The following DCLK1 variants were observed in gnomAD, a reference collection of about 807,000 sequenced individuals.
DCLK1 encodes the protein doublecortin like kinase 1.
In DCLK1, 16 loss-of-function variants were observed where a neutral mutation model predicts 86.2. That is an observed-to-expected ratio of 0.19 (90% CI 0.13 to 0.28). The LOEUF (loss-of-function observed/expected upper bound fraction) is 0.28, where lower values mean the gene tolerates loss of function less well. Ranked by LOEUF, DCLK1 falls within the 10% of genes least tolerant of loss-of-function variation. The pLI is 1.00. For synonymous variants in DCLK1, 369 were observed against 370.5 expected (o/e 1.00, Z 0.05); for missense variants, 590 against 940.2 (o/e 0.63, Z 4.87).
At position 35,899,360 on chromosome 13, in the gene DCLK1, TGTGTGTGTGAGA is replaced by T. The variant is rs1168301024; in HGVS notation, c.824-28032_824-28021del. Reference sequence around the variant, plus strand: ...ACAAGTGTGTGTGTGTGTGTGTGTGTGTGTGTGTGAGAGAGAGAGAGAGAGAGAGAAAGAAGA... The same window carrying T: ...ACAAGTGTGTGTGTGTGTGTGTGTGTGAGAGAGAGAGAGAGAGAAAGAAGA... On this transcript the variant is annotated intron_variant, in intron 4 of 16. Coordinates refer to ENST00000360631, the MANE Select transcript of DCLK1 (RefSeq NM_001330071.2). Among the ~76,000 whole-genome samples the T allele has an allele frequency of 2.0e-4, 19 of 95,118 alleles. No homozygotes were observed. In the East Asian group the frequency reaches 3.9e-3, roughly 19 times the overall value. The allele number at this position is 95,118 out of a possible 152,430, so 62.4% of individuals were successfully genotyped here.
At chr13:35,862,471 G>A (rs1871473677) in intron 5 of DCLK1, among the ~76,000 whole-genome samples, 1 of 152,144 alleles carries the variant, frequency 6.6e-6, no homozygotes, top group Admixed American at 6.6e-5. Flanking sequence ...GAGCCTTCCT[G>A]GCCCTTGGCC....
intron 2 of DCLK1, among the ~76,000 whole-genome samples, chr13:36,125,476 T>G (rs1217994536): frequency 1.3e-5 from 2 of 152,334 alleles, no homozygotes; most frequent in East Asian, 1.9e-4. Context: ...AGAGATAAAA[T>G]GGACTTTTAA....
At chr13:35,796,019 T>A (rs1344513000) in intron 15 of DCLK1, among the ~76,000 whole-genome samples, 5 of 152,044 alleles carry the variant, frequency 3.3e-5, no homozygotes, top group Non-Finnish European at 5.9e-5. Context: ...CAATAGCGTT[T>A]GGGAACTAAG....
intron 3 of DCLK1, among the ~76,000 whole-genome samples, chr13:36,022,704 A>G (rs988311244): frequency 6.6e-6 from 1 of 152,174 alleles, no homozygotes; most frequent in African/African-American, 2.4e-5. Flanking sequence ...ACAAACTACC[A>G]AAGAAGTAAA....
intron 3 of DCLK1, among the ~76,000 whole-genome samples, chr13:35,986,157 C>T (rs1469405639): frequency 6.6e-6 from 1 of 151,792 alleles, no homozygotes; most frequent in African/African-American, 2.4e-5. Flanking sequence ...CAAAAAGTAG[C>T]TGGATGTGGT....
chr13:35,890,566 G>T (rs1013866754), intron 4 of DCLK1, among the ~76,000 whole-genome samples: 4 of 151,996 alleles, frequency 2.6e-5, no homozygotes, highest in Non-Finnish European at 1.5e-5. Context: ...AAAATACTTT[G>T]GTATATTTGT....
intron 4 of DCLK1, among the ~76,000 whole-genome samples, chr13:35,905,338 T>A (rs1163903865): frequency 6.6e-6 from 1 of 152,170 alleles, no homozygotes; most frequent in Non-Finnish European, 1.5e-5. Context: ...GGTAGACATG[T>A]GATATACTTT....
chr13:36,082,034 T>C (rs1378673653), intron 3 of DCLK1, among the ~76,000 whole-genome samples: 1 of 152,186 alleles, frequency 6.6e-6, no homozygotes, highest in Non-Finnish European at 1.5e-5. Flanking sequence ...GCCTTGCTAT[T>C]TTAGCAATTA....
intron 11 of DCLK1, among the ~76,000 whole-genome samples, chr13:35,822,412 T>G (rs1409401377): frequency 6.6e-6 from 1 of 152,176 alleles, no homozygotes; most frequent in East Asian, 1.9e-4. Context: ...GTGCCTAAGA[T>G]AAATGACATT....
chr13:36,127,201 T>C (rs1886218572), intron 1 of DCLK1, among the ~76,000 whole-genome samples: 1 of 152,210 alleles, frequency 6.6e-6, no homozygotes. Flanking sequence ...AAGAAGATTT[T>C]CCAACATATT....
rs1429480049 is a variant in DCLK1, at chr13:35,797,663, A to AC, written c.1945-4185_1945-4184insG. Among the ~76,000 whole-genome samples the AC allele has an allele frequency of 3.7e-3, 557 of 152,204 alleles. 2 individuals carry two copies. The highest frequency in any genetic ancestry group is 0.013 in the African/African-American group (528 of 41,520). ...TGGAGTAGGTAAAACACATACATGT[A>AC]AACACACACACACACACACCCCATG... On this transcript the variant is annotated intron_variant, in intron 15 of 16. Transcript: ENST00000360631.
intron 1 of DCLK1, among the ~76,000 whole-genome samples, chr13:36,130,191 T>A (rs2138230713): frequency 6.6e-6 from 1 of 152,272 alleles, no homozygotes; most frequent in South Asian, 2.1e-4. Context: ...CTGACCTGCA[T>A]CCATGTGACA....
intron 3 of DCLK1, among the ~76,000 whole-genome samples, chr13:36,070,630 A>AT (rs1277895148): frequency 1.5e-5 from 2 of 130,516 alleles, no homozygotes; most frequent in Non-Finnish European, 3.2e-5. Flanking sequence ...ATCTTTATTT[A>AT]TTTTTTTAAC....
intron 11 of DCLK1, among the ~76,000 whole-genome samples, chr13:35,811,964 T>C (rs1000200844): frequency 6.6e-6 from 1 of 152,234 alleles, no homozygotes; most frequent in African/African-American, 2.4e-5. Flanking sequence ...CATTTCTTAA[T>C]AATTGAAAGA....
chr13:35,942,167 A>T (rs1877120187), intron 4 of DCLK1, among the ~76,000 whole-genome samples: 1 of 148,354 alleles, frequency 6.7e-6, no homozygotes, highest in Non-Finnish European at 1.5e-5. Flanking sequence ...TCTAAAGGAC[A>T]TTTTTTTTTT....
intron 15 of DCLK1, among the ~76,000 whole-genome samples, chr13:35,797,057 C>A (rs111614655): frequency 0.029 from 4,357 of 152,080 alleles, 86 homozygotes; most frequent in African/African-American, 0.053. Flanking sequence ...CTATTAGGGC[C>A]GGGACTCTAG....
intron 3 of DCLK1, among the ~76,000 whole-genome samples, chr13:36,043,955 G>C (rs1186092008): frequency 6.6e-6 from 1 of 152,142 alleles, no homozygotes. Flanking sequence ...GATATAGTCT[G>C]GATATCTGTC....
intron 4 of DCLK1, among the ~76,000 whole-genome samples, chr13:35,880,404 CT>C (rs1274876035): frequency 1.1e-4 from 16 of 152,286 alleles, no homozygotes; most frequent in African/African-American, 3.6e-4. Context: ...AGGTAAGGTT[CT>C]TTCCCTTCCA....
intron 4 of DCLK1, among the ~76,000 whole-genome samples, chr13:35,887,579 G>A (rs540170381): frequency 1.3e-5 from 2 of 152,118 alleles, no homozygotes; most frequent in South Asian, 4.2e-4. Context: ...GAAGAAACGG[G>A]AATTTGGGAA....
Sources: gnomAD v4.1 joint callset for allele counts (sites outside exome capture counted in the v4.1 genomes callset) on GRCh38, gnomAD v4.1.1 for gene constraint, MANE v1.5 for transcripts, NCBI Gene and HGNC (gene_info 2026-07-23, HGNC 2026-07-21) for gene names.